RBM10: variants seen among roughly 807,000 people sequenced by gnomAD.
RBM10 encodes RNA binding motif protein 10, also known as RNA-binding protein 10.
In RBM10, 1 loss-of-function variant was observed where a neutral mutation model predicts 84.9. The observed-to-expected ratio is 0.01, with a 90% confidence interval of 0.00 to 0.06. The LOEUF is 0.06. Among genes scored for constraint, RBM10 ranks in the 10% least tolerant of loss-of-function variants. RBM10 has a pLI of 1.00. For missense variants in RBM10, 438 were observed against 839.0 expected (o/e 0.52, Z 5.90); for synonymous variants, 326 against 344.5 (o/e 0.95, Z 0.60).
Position 47,173,471 on chromosome X carries a change from C to T in RBM10, c.502+274C>T, listed in dbSNP as rs1363155879. 7.1e-5 allele frequency among the ~76,000 whole-genome samples: 8 copies of T among 112,414 alleles called. No homozygotes were observed. Among genetic ancestry groups the T allele is most frequent in the African/African-American group, 2.6e-4 (8 of 30,958 alleles). The stretch of plus-strand genomic sequence containing the variant: ...TCAGGGCCAGGGCCAGGCTCCCAGG[C>T]ACCTCCTCTCTGGGACTCTGAGTAT... On this transcript the variant is annotated intron_variant, in intron 5 of 23. Coordinates refer to ENST00000377604, the MANE Select transcript of RBM10 (RefSeq NM_005676.5).
chrX:47,149,817 ATTTTTTTTTTT>A (rs1219884284), intron 2 of RBM10, among the ~76,000 whole-genome samples: 1 of 86,066 alleles, frequency 1.2e-5, no homozygotes, highest in African/African-American at 4.3e-5. Context: ...TGCTAGCATC[ATTTTTTTTTTT>A]TTTTTTTTTG....
At chrX:47,178,858 C>T (rs781908793) in intron 7 of RBM10, among the ~76,000 whole-genome samples, 1 of 111,528 alleles carries the variant, frequency 9.0e-6, no homozygotes, top group South Asian at 3.7e-4. Context: ...AGTTGTTGTA[C>T]CAAATGGGGG....
At chrX:47,177,464 A>G (rs1409695047) in intron 7 of RBM10, among the ~76,000 whole-genome samples, 4 of 111,830 alleles carry the variant, frequency 3.6e-5, no homozygotes, top group Admixed American at 9.4e-5. Context: ...CCCTCTCCCC[A>G]GGAAGTACTC....
chrX:47,174,364 C>G lies in RBM10; in HGVS notation c.503-655C>G, dbSNP rs1052924510. Among the ~76,000 whole-genome samples the G allele has an allele frequency of 3.6e-5, 4 of 111,694 alleles. No homozygotes were observed. In the Admixed American group the frequency reaches 3.8e-4, roughly 11 times the overall value. ...CCTGGACTGTTTGTGGCTGTAGTCT[C>G]CACCCTGTGGCCCTGAGGTGGCTCC... On this transcript the variant is annotated intron_variant, in intron 5 of 23. Coordinates refer to ENST00000377604, the MANE Select transcript of RBM10 (RefSeq NM_005676.5).
intron 7 of RBM10, 123 bp from the exon 8 acceptor site, chrX:47,178,980 C>G (rs1415101297): frequency 3.5e-6 from 4 of 1,153,430 alleles, no homozygotes; most frequent in Admixed American, 2.6e-5. Context: ...GCACCTGCCA[C>G]CATTGCCTAG....
intron 2 of RBM10, among the ~76,000 whole-genome samples, chrX:47,153,145 C>T (rs1450576804): frequency 8.9e-6 from 1 of 112,307 alleles, no homozygotes; most frequent in African/African-American, 3.2e-5. Flanking sequence ...CACATCCAGC[C>T]TGACATGACC....
chrX:47,152,967 C>G lies in RBM10; in HGVS notation c.17+5469C>G, dbSNP rs782063069. 5.4e-5 allele frequency among the ~76,000 whole-genome samples: 6 copies of G among 111,619 alleles called. No homozygotes were observed. The East Asian group carries it at 1.1e-3, about 21-fold the overall frequency. On this transcript the variant is annotated intron_variant, in intron 2 of 23. Transcript: ENST00000377604. The stretch of plus-strand genomic sequence containing the variant: ...ATTCAAGCGATTCTCCTGCCTCAGT[C>G]TCCCAAGTAGCTGGGATTACAGGCA...
chrX:47,151,901 G>A (rs1236924737), intron 2 of RBM10, among the ~76,000 whole-genome samples: 1 of 112,422 alleles, frequency 8.9e-6, no homozygotes, highest in African/African-American at 3.2e-5. Context: ...TCAAAATCCT[G>A]TGCTTTTTTT....
At chrX:47,177,635 T>G (rs1016590831) in intron 7 of RBM10, among the ~76,000 whole-genome samples, 3 of 108,546 alleles carry the variant, frequency 2.8e-5, no homozygotes, top group Non-Finnish European at 5.7e-5. Context: ...TTTTTTTTTT[T>G]GAGACAGGAT....
At position 47,173,279 on chromosome X, in the gene RBM10, C is replaced by G. The variant is rs1256659600; in HGVS notation, c.502+82C>G. 2.0e-5 allele frequency: 23 copies of G among 1,176,952 alleles called. No individual in the cohort carries two copies. In the South Asian group the frequency reaches 2.6e-4, roughly 13 times the overall value. Reference sequence around the variant, plus strand: ...TCCCTCCTGCCTCTGCCTTCTCCCCCACTCCCTCCACCACCTTCCTGCCAC... The same window carrying G: ...TCCCTCCTGCCTCTGCCTTCTCCCCGACTCCCTCCACCACCTTCCTGCCAC... On this transcript the variant is annotated intron_variant, in intron 5 of 23. Coordinates refer to ENST00000377604, the MANE Select transcript of RBM10 (RefSeq NM_005676.5).
chrX:47,185,214 G>A lies in RBM10; in HGVS notation c.2100+10G>A, dbSNP rs782456555. ...CATCCTCGAGAAGAAGGTGTGTTGGGGCCACCCCCCTGCACCCTGCCCCAC... is the reference window on the plus strand; with the variant it reads ...CATCCTCGAGAAGAAGGTGTGTTGGAGCCACCCCCCTGCACCCTGCCCCAC... On this transcript the variant is annotated intron_variant, in intron 18 of 23. Coordinates refer to ENST00000377604, the MANE Select transcript of RBM10 (RefSeq NM_005676.5). The A allele has an allele frequency of 8.3e-7, 1 of 1,211,134 alleles. No individual in the cohort carries two copies. Among genetic ancestry groups the A allele is most frequent in the East Asian group, 3.0e-5 (1 of 33,783 alleles).
chrX:47,181,803 C>T lies in RBM10; in HGVS notation c.1630C>T (p.His544Tyr), dbSNP rs1569196077. The change falls in exon 15 of 24, where the codon CAT becomes TAT. Residue 544 changes from histidine to tyrosine, a missense_variant. Physicochemically the swap from His to Tyr is moderately conservative, Grantham distance 83. Coordinates refer to ENST00000377604, the MANE Select transcript of RBM10 (RefSeq NM_005676.5). ...VLKSELQSPT[H>Y]PSSALPPATS... ...CAAATCTGAGCTCCAGAGCCCTACC[C>T]ATCCTAGTTCTGCTCTCCCACCGGC... 1 of 1,211,597 alleles carries T rather than the reference C, an allele frequency of 8.3e-7. No homozygotes were observed. Among genetic ancestry groups the T allele is most frequent in the African/African-American group, 1.7e-5 (1 of 57,766 alleles).
At chrX:47,154,406 A>T (rs782780243) in intron 2 of RBM10, among the ~76,000 whole-genome samples, 58 of 101,273 alleles carry the variant, frequency 5.7e-4, no homozygotes, top group African/African-American at 2.0e-3. Context: ...ATTTATTCAT[A>T]TCTGTTCAGT....
At chrX:47,157,374 A>C (rs781879388) in intron 2 of RBM10, 2 of 313,278 alleles carry the variant, frequency 6.4e-6, no homozygotes, top group Non-Finnish European at 6.1e-6. Context: ...CTCCTGATTG[A>C]ATACAGTAGA....
chrX:47,168,121 A>C (rs1934367825), intron 2 of RBM10, among the ~76,000 whole-genome samples: 1 of 112,024 alleles, frequency 8.9e-6, no homozygotes, highest in African/African-American at 3.2e-5. Flanking sequence ...GGTTGCTCTT[A>C]GAATGCTTTT....
intron 2 of RBM10, among the ~76,000 whole-genome samples, chrX:47,168,206 C>A (rs949233830): frequency 1.3e-4 from 14 of 111,529 alleles, no homozygotes; most frequent in African/African-American, 4.6e-4. Context: ...GCTAAGGGTC[C>A]CCTCATTTCC....
At chrX:47,182,455 A>T (rs1935622665) in intron 17 of RBM10, 129 bp downstream of exon 17, 1 of 962,185 alleles carries the variant, frequency 1.0e-6, no homozygotes, top group African/African-American at 1.9e-5. Flanking sequence ...GTGACTGCTT[A>T]GCAGACCATG....
chrX:47,178,417 C>T (rs1488010959), intron 7 of RBM10, among the ~76,000 whole-genome samples: 1 of 111,718 alleles, frequency 9.0e-6, no homozygotes, highest in Non-Finnish European at 1.9e-5. Flanking sequence ...ACCCCCAGCC[C>T]ATTTCCCTCC....
At chrX:47,162,423 G>T (rs1216424905) in intron 2 of RBM10, among the ~76,000 whole-genome samples, 1 of 111,851 alleles carries the variant, frequency 8.9e-6, no homozygotes, top group Admixed American at 9.6e-5. Flanking sequence ...TTCCTTACTA[G>T]TGATTATTGT....
Sources: allele counts gnomAD v4.1 joint callset (sites outside exome capture counted in the v4.1 genomes callset), GRCh38; gene constraint gnomAD v4.1.1; transcripts MANE v1.5; gene names NCBI Gene and HGNC (gene_info 2026-07-23, HGNC 2026-07-21).